LRRC37A2: variants seen among roughly 807,000 people sequenced by gnomAD.
The protein encoded by LRRC37A2 is leucine-rich repeat-containing protein 37A2.
In LRRC37A2, 9 loss-of-function variants were observed where a neutral mutation model predicts 68.8. The ratio of observed to expected loss-of-function variants is 0.13; its 90% CI spans 0.08 to 0.23. The LOEUF (loss-of-function observed/expected upper bound fraction) is 0.23, where lower values mean the gene tolerates loss of function less well. Ranked by LOEUF, LRRC37A2 falls within the 10% of genes least tolerant of loss-of-function variation. LRRC37A2 has a pLI of 1.00. For missense variants in LRRC37A2, 168 were observed against 950.4 expected (o/e 0.18, Z 10.82); for synonymous variants, 63 against 367.6 (o/e 0.17, Z 9.48).
the LRRC37A2 span, chr17:46,939,198 C>T: frequency 9.3e-7 from 1 of 1,078,970 alleles, no homozygotes; most frequent in Non-Finnish European, 1.1e-6. Context: ...AGGAAAGAGG[C>T]CTTTTCTCAC....
the LRRC37A2 span, among the ~76,000 whole-genome samples, chr17:46,737,094 A>G: frequency 2.6e-5 from 4 of 152,260 alleles, no homozygotes; most frequent in Non-Finnish European, 5.9e-5. Flanking sequence ...TTAGATGTAC[A>G]TTTAAGAAAT....
At chr17:46,718,672 G>A in the LRRC37A2 span, among the ~76,000 whole-genome samples, 2 of 152,014 alleles carry the variant, frequency 1.3e-5, no homozygotes, top group African/African-American at 2.4e-5. Context: ...CACACTGACC[G>A]GCCGAATGAC....
chr17:46,994,035 A>G, the LRRC37A2 span, among the ~76,000 whole-genome samples: 1 of 152,176 alleles, frequency 6.6e-6, no homozygotes, highest in Non-Finnish European at 1.5e-5. Flanking sequence ...ATTGTTATGA[A>G]AGTAGTGGTT....
the LRRC37A2 span, among the ~76,000 whole-genome samples, chr17:46,962,025 T>A: frequency 1.3e-5 from 2 of 151,954 alleles, no homozygotes; most frequent in African/African-American, 4.8e-5. Context: ...TGGGGCATAG[T>A]TGGAATTCCA....
At chr17:46,768,838 C>A in the LRRC37A2 span, 1 of 1,602,592 alleles carries the variant, frequency 6.2e-7, no homozygotes, top group East Asian at 2.2e-5. The surrounding 1 kb of genome is among the most constrained non-coding windows in gnomAD (Gnocchi z 5.0). Context: ...CAGACCGACC[C>A]CACGAGGGGG....
the LRRC37A2 span, among the ~76,000 whole-genome samples, chr17:46,496,623 AAAC>A: frequency 6.8e-5 from 6 of 87,612 alleles, 1 homozygote; most frequent in Admixed American, 2.2e-4. Context: ...AAAAAAAACA[AAAC>A]AAAACAGGCC....
chr17:46,796,936 C>T, the LRRC37A2 span, among the ~76,000 whole-genome samples: 28 of 152,148 alleles, frequency 1.8e-4, no homozygotes, highest in African/African-American at 5.3e-4. Context: ...GCTTGGTTAC[C>T]GAGGAAAATA....
the LRRC37A2 span, among the ~76,000 whole-genome samples, chr17:46,490,219 G>T: frequency 1.3e-5 from 2 of 151,238 alleles, no homozygotes; most frequent in African/African-American, 2.5e-5. Flanking sequence ...GCTCGGCCCT[G>T]GTAGGATGAA....
the LRRC37A2 span, among the ~76,000 whole-genome samples, chr17:46,868,246 T>C: frequency 6.6e-6 from 1 of 152,218 alleles, no homozygotes; most frequent in Non-Finnish European, 1.5e-5. Context: ...TGGTTACTTG[T>C]TTAACTGATC....
At chr17:46,681,828 C>G in the LRRC37A2 span, among the ~76,000 whole-genome samples, 2 of 38,396 alleles carry the variant, frequency 5.2e-5, no homozygotes, top group African/African-American at 2.5e-4. Context: ...TGGTGCAAGT[C>G]CATTCACTAT....
the LRRC37A2 span, among the ~76,000 whole-genome samples, chr17:46,489,555 G>A: frequency 1.4e-5 from 2 of 147,970 alleles, no homozygotes; most frequent in East Asian, 4.0e-4. Context: ...GTGTGATCTC[G>A]GCTCACTGCA....
the LRRC37A2 span, among the ~76,000 whole-genome samples, chr17:46,869,521 A>G: frequency 1.3e-5 from 2 of 152,254 alleles, no homozygotes; most frequent in African/African-American, 2.4e-5. Flanking sequence ...ACAAAAATGA[A>G]CAAACCAACA....
chr17:46,872,418 A>G, the LRRC37A2 span: 1 of 1,386,060 alleles, frequency 7.2e-7, no homozygotes, highest in Non-Finnish European at 9.4e-7. Flanking sequence ...GCTGCCCAGA[A>G]GGGCAGTAAA....
At chr17:46,884,708 C>T in the LRRC37A2 span, among the ~76,000 whole-genome samples, 2 of 152,184 alleles carry the variant, frequency 1.3e-5, no homozygotes, top group Non-Finnish European at 2.9e-5. Flanking sequence ...CCCTCCTTTG[C>T]AGCTGAGAAA....
the LRRC37A2 span, among the ~76,000 whole-genome samples, chr17:46,989,762 G>A: frequency 6.6e-6 from 1 of 152,228 alleles, no homozygotes; most frequent in Non-Finnish European, 1.5e-5. Flanking sequence ...ACTCACTTTT[G>A]GGACCCAGCT....
At chr17:47,001,383 T>G in the LRRC37A2 span, among the ~76,000 whole-genome samples, 1 of 101,802 alleles carries the variant, frequency 9.8e-6, no homozygotes, top group Non-Finnish European at 2.1e-5. Flanking sequence ...TTTTCCCCAC[T>G]TCTGAATCTA....
the LRRC37A2 span, among the ~76,000 whole-genome samples, chr17:46,927,695 C>T: frequency 6.6e-6 from 1 of 152,126 alleles, no homozygotes; most frequent in East Asian, 1.9e-4. Flanking sequence ...TCCTCTTGGG[C>T]CAGCTGTAGG....
the LRRC37A2 span, among the ~76,000 whole-genome samples, chr17:47,022,433 G>C: frequency 3.3e-5 from 5 of 150,116 alleles, no homozygotes; most frequent in African/African-American, 1.2e-4. Context: ...GCCTCTTAAA[G>C]TGTTCATATT....
chr17:46,867,571 G>T, the LRRC37A2 span, among the ~76,000 whole-genome samples: 80 of 152,242 alleles, frequency 5.3e-4, no homozygotes, highest in Admixed American at 5.2e-3. Flanking sequence ...GAAGGGTGAG[G>T]TCCCTGGGGT....
Sources: allele counts gnomAD v4.1 joint callset (sites outside exome capture counted in the v4.1 genomes callset), GRCh38; gene constraint gnomAD v4.1.1; non-coding constraint Gnocchi (gnomAD v3.1); transcripts MANE v1.5; gene names NCBI Gene and HGNC (gene_info 2026-07-23, HGNC 2026-07-21).